The following DAAM1 variants were observed in gnomAD, a reference collection of about 807,000 sequenced individuals.
DAAM1 encodes disheveled-associated activator of morphogenesis 1.
DAAM1 carries 52 observed loss-of-function variants against 130.0 expected under a neutral mutation model. That is an observed-to-expected ratio of 0.40 (90% CI 0.32 to 0.50). The LOEUF is 0.50. Ranked by LOEUF, DAAM1 falls within the 20% of genes least tolerant of loss-of-function variation. The pLI is 0.61. For missense variants in DAAM1, 1,134 were observed against 1,303.8 expected, an observed-to-expected ratio of 0.87 and a Z score of 2.01; for synonymous variants, 452 against 444.5, an observed-to-expected ratio of 1.02 and a Z score of -0.21.
chr14:59,347,594 G>A lies in DAAM1; in HGVS notation c.2131G>A (p.Glu711Lys). The part of the protein sequence containing the change: ...KRAILTMDEQ[E>K]DLPKDMLEQL... ...GGCAATTCTAACAATGGACGAACAG[G>A]AAGATCTGCCCAAGGACATGTTGGA... Residue 711 changes from glutamate (E) to lysine (K), a missense_variant, in exon 17 of 25, where the codon GAA becomes AAA. This residue lies in a region of DAAM1 where 644 missense variants were observed against 695.9 expected (regional missense o/e 0.93). Transcript: ENST00000360909. 1 of 1,613,890 alleles carries A rather than the reference G, an allele frequency of 6.2e-7. No individual in the cohort carries two copies. The highest frequency in any genetic ancestry group is 8.5e-7 in the Non-Finnish European group (1 of 1,179,868).
chr14:59,280,056 G>A (rs904646144), intron 2 of DAAM1, among the ~76,000 whole-genome samples: 1 of 152,108 alleles, frequency 6.6e-6, no homozygotes, highest in African/African-American at 2.4e-5. Flanking sequence ...ACAGAAACTA[G>A]AAGAGCTAAA....
chr14:59,345,427 CT>C (rs1034648556), intron 16 of DAAM1, among the ~76,000 whole-genome samples: 3 of 152,130 alleles, frequency 2.0e-5, no homozygotes, highest in African/African-American at 7.2e-5. Flanking sequence ...TGTCTAGATG[CT>C]TTATTTGGGT....
At chr14:59,192,495 G>C (rs1225511439) in intron 1 of DAAM1, among the ~76,000 whole-genome samples, 1 of 152,140 alleles carries the variant, frequency 6.6e-6, no homozygotes, top group Non-Finnish European at 1.5e-5. Flanking sequence ...TTCAAGCCGT[G>C]CTCTGGTATT....
At chr14:59,367,747 GTTTCTCTTGGGCTA>G in intron 24 of DAAM1, 148 bp downstream of exon 24, 1 of 1,124,828 alleles carries the variant, frequency 8.9e-7, no homozygotes, top group Non-Finnish European at 1.2e-6. Flanking sequence ...CATTGGTGTT[GTTTCTCTTGGGCTA>G]TTTAACAGTG....
intron 2 of DAAM1, among the ~76,000 whole-genome samples, chr14:59,287,855 T>C (rs904833753): frequency 3.3e-5 from 5 of 152,148 alleles, no homozygotes; most frequent in Non-Finnish European, 5.9e-5. Flanking sequence ...CCCAAAGCAA[T>C]TTACAGAGTC....
intron 1 of DAAM1, among the ~76,000 whole-genome samples, chr14:59,207,790 A>G (rs1206492137): frequency 2.0e-5 from 3 of 152,168 alleles, no homozygotes; most frequent in Non-Finnish European, 4.4e-5. Flanking sequence ...GGCCTCTTAG[A>G]CCACAAATCA....
At chr14:59,190,348 C>T (rs988638060) in intron 1 of DAAM1, among the ~76,000 whole-genome samples, 12 of 152,138 alleles carry the variant, frequency 7.9e-5, no homozygotes, top group African/African-American at 2.9e-4. Flanking sequence ...AAATCTCTTC[C>T]CCCTTTCGGG....
intron 2 of DAAM1, among the ~76,000 whole-genome samples, chr14:59,272,048 C>G (rs1191877147): frequency 1.3e-5 from 2 of 152,050 alleles, no homozygotes; most frequent in Non-Finnish European, 1.5e-5. Context: ...TGTAGTTACA[C>G]AGAGAAAATC....
intron 16 of DAAM1, among the ~76,000 whole-genome samples, chr14:59,344,950 A>AC (rs1257019638): frequency 1.4e-5 from 2 of 142,050 alleles, no homozygotes; most frequent in African/African-American, 6.1e-5. Flanking sequence ...ACACAGAACT[A>AC]ATTTTTTTTT....
chr14:59,195,657 C>T (rs1202682557), intron 1 of DAAM1, among the ~76,000 whole-genome samples: 2 of 152,122 alleles, frequency 1.3e-5, no homozygotes, highest in South Asian at 2.1e-4. Context: ...TGATAGACTT[C>T]CTGAATTTAG....
At chr14:59,362,520 G>C (rs1886747637) in intron 22 of DAAM1, 1 of 151,910 alleles carries the variant, frequency 6.6e-6, no homozygotes, top group South Asian at 2.1e-4. Flanking sequence ...CACTTTCCAA[G>C]CTAAAGTACT....
intron 1 of DAAM1, among the ~76,000 whole-genome samples, chr14:59,190,138 G>T (rs931874701): frequency 6.6e-6 from 1 of 151,968 alleles, no homozygotes; most frequent in African/African-American, 2.4e-5. Flanking sequence ...GTGGTCAAAC[G>T]CTCGCCCTGG....
chr14:59,312,774 A>G (rs1436562779), intron 3 of DAAM1, among the ~76,000 whole-genome samples: 1 of 152,220 alleles, frequency 6.6e-6, no homozygotes, highest in Non-Finnish European at 1.5e-5. Flanking sequence ...CTTTTAAAAG[A>G]GTTGGATGTT....
chr14:59,306,468 T>A (rs1884384600), intron 3 of DAAM1, among the ~76,000 whole-genome samples: 1 of 152,210 alleles, frequency 6.6e-6, no homozygotes, highest in Non-Finnish European at 1.5e-5. Context: ...ATCCTGCCCT[T>A]GAGAAGCCTT....
chr14:59,350,661 AGGGGACACTGC>A (rs1343957953), intron 17 of DAAM1, among the ~76,000 whole-genome samples: 1 of 151,990 alleles, frequency 6.6e-6, no homozygotes, highest in Non-Finnish European at 1.5e-5. Flanking sequence ...TGCCGGAGCC[AGGGGACACTGC>A]GGGGCCCTCA....
intron 6 of DAAM1, 79 bp downstream of exon 6, chr14:59,323,304 G>A: frequency 7.1e-7 from 1 of 1,408,958 alleles, no homozygotes; most frequent in Non-Finnish European, 9.5e-7. Context: ...TCCCTGAAAG[G>A]GGAATGTTAC....
intron 20 of DAAM1, chr14:59,357,280 C>G (rs1336104442): frequency 6.6e-6 from 1 of 152,192 alleles, no homozygotes; most frequent in Non-Finnish European, 1.5e-5. Context: ...AATAGGCTCA[C>G]TCTTCCTTGT....
intron 1 of DAAM1, among the ~76,000 whole-genome samples, chr14:59,195,447 C>T (rs1887860411): frequency 6.6e-6 from 1 of 152,102 alleles, no homozygotes; most frequent in Non-Finnish European, 1.5e-5. Context: ...CTGGCCTCAT[C>T]TTGTTATACT....
intron 1 of DAAM1, among the ~76,000 whole-genome samples, chr14:59,213,045 AC>A (rs1247023143): frequency 1.4e-5 from 2 of 147,738 alleles, no homozygotes; most frequent in Admixed American, 6.8e-5. Context: ...TCCACACACC[AC>A]CCCCTCCCCA....
Sources: gnomAD v4.1 joint callset for allele counts (sites outside exome capture counted in the v4.1 genomes callset) on GRCh38, gnomAD v4.1.1 for gene constraint, gnomAD v4.1.1 regional missense constraint, MANE v1.5 for transcripts, NCBI Gene and HGNC (gene_info 2026-07-23, HGNC 2026-07-21) for gene names.